TYW1: variants seen among roughly 807,000 people sequenced by gnomAD.
The protein encoded by TYW1 is S-adenosyl-L-methionine-dependent tRNA 4-demethylwyosine synthase TYW1.
A neutral mutation model predicts 96.2 loss-of-function variants in TYW1; 46 were observed. The observed-to-expected ratio is 0.48, with a 90% CI of 0.38 to 0.61. The LOEUF (loss-of-function observed/expected upper bound fraction) is 0.61, where lower values mean the gene tolerates loss of function less well. TYW1 is among the 20% of genes least tolerant of loss of function. The pLI is 0.00. For missense variants in TYW1, 684 were observed against 909.6 expected, an observed-to-expected ratio of 0.75 and a Z score of 3.19; for synonymous variants, 274 against 323.0, an observed-to-expected ratio of 0.85 and a Z score of 1.63.
intron 13 of TYW1, among the ~76,000 whole-genome samples, chr7:67,131,037 A>G (rs944015707): frequency 6.6e-6 from 1 of 150,868 alleles, no homozygotes. Context: ...TATTTGGTCA[A>G]TGAGCAAATT....
chr7:67,012,743 C>T (rs1485319920), intron 4 of TYW1, among the ~76,000 whole-genome samples: 1 of 152,066 alleles, frequency 6.6e-6, no homozygotes, highest in Non-Finnish European at 1.5e-5. Flanking sequence ...GGTCAAAACG[C>T]AGTCAAAAGT....
intron 7 of TYW1, among the ~76,000 whole-genome samples, chr7:67,039,074 C>G (rs1056184888): frequency 6.6e-6 from 1 of 152,150 alleles, no homozygotes; most frequent in African/African-American, 2.4e-5. Context: ...TCAGCTAAAG[C>G]TACTCAACTT....
chr7:67,075,844 A>G (rs1183785451), intron 10 of TYW1, among the ~76,000 whole-genome samples: 1 of 152,234 alleles, frequency 6.6e-6, no homozygotes, highest in African/African-American at 2.4e-5. Flanking sequence ...CTCCTCTTCA[A>G]AGAGACTTTC....
At chr7:67,219,359 G>A (rs908823125) in intron 15 of TYW1, among the ~76,000 whole-genome samples, 3 of 152,124 alleles carry the variant, frequency 2.0e-5, no homozygotes, top group East Asian at 3.9e-4. Flanking sequence ...CTTCCAGTAC[G>A]ATCTTTGTCT....
intron 15 of TYW1, among the ~76,000 whole-genome samples, chr7:67,202,289 C>G (rs932214487): frequency 2.0e-5 from 3 of 152,144 alleles, no homozygotes; most frequent in Admixed American, 1.3e-4. Context: ...TCCATTGGCC[C>G]TGTCTTTAAG....
chr7:67,119,042 G>A (rs1484141000), intron 13 of TYW1, among the ~76,000 whole-genome samples: 1 of 152,030 alleles, frequency 6.6e-6, no homozygotes, highest in African/African-American at 2.4e-5. Flanking sequence ...CCTTTCTTGT[G>A]TGTTTTCATA....
chr7:67,022,663 G>A (rs1562970233), intron 6 of TYW1, among the ~76,000 whole-genome samples: 2 of 152,164 alleles, frequency 1.3e-5, no homozygotes, highest in Non-Finnish European at 2.9e-5. Flanking sequence ...TGGTGTACTT[G>A]TCTCTTCTTG....
At chr7:67,156,837 A>G (rs2687052) in intron 13 of TYW1, among the ~76,000 whole-genome samples, 30,776 of 146,408 alleles carry the variant, frequency 0.21, 3,378 homozygotes, top group South Asian at 0.27. Context: ...TCTCTGGAAC[A>G]GTTAGTCATG....
chr7:67,040,671 C>T (rs1794987713), intron 7 of TYW1, among the ~76,000 whole-genome samples: 1 of 151,778 alleles, frequency 6.6e-6, no homozygotes, highest in South Asian at 2.1e-4. Context: ...ATGACGAAAC[C>T]CTATCTCTAC....
At chr7:67,214,860 G>A (rs1801155918) in intron 15 of TYW1, among the ~76,000 whole-genome samples, 1 of 151,000 alleles carries the variant, frequency 6.6e-6, no homozygotes, top group Admixed American at 6.6e-5. Context: ...GTCCCACTTG[G>A]TCATGGCATA....
At chr7:67,178,785 T>C (rs1799752243) in intron 13 of TYW1, among the ~76,000 whole-genome samples, 1 of 150,980 alleles carries the variant, frequency 6.6e-6, no homozygotes, top group Non-Finnish European at 1.5e-5. Flanking sequence ...AGGGAGTGGA[T>C]ATTCACTGGG....
chr7:67,215,285 C>G (rs1018042525), intron 15 of TYW1, among the ~76,000 whole-genome samples: 3 of 151,902 alleles, frequency 2.0e-5, no homozygotes, highest in African/African-American at 4.8e-5. Context: ...GCACCCACCC[C>G]CACTTGACGC....
At chr7:67,008,409 G>A (rs1793676081) in intron 3 of TYW1, among the ~76,000 whole-genome samples, 2 of 152,198 alleles carry the variant, frequency 1.3e-5, no homozygotes, top group South Asian at 4.1e-4. Flanking sequence ...GGTAGGAGGT[G>A]CTGAGTTTAA....
rs559867815 is a variant in TYW1 at position 67,091,633 on chromosome 7, C to A, written c.1385-6908C>A. On this transcript the variant is annotated intron_variant, in intron 11 of 15. Transcript: ENST00000359626. ...TTTCCTTGAGGACAGTGCAAGAAGA[C>A]ATGAAGTGGAGTCCTTGAGGCTTTG... Among the ~76,000 whole-genome samples the A allele has an allele frequency of 3.9e-4, 59 of 152,242 alleles. 2 individuals carry two copies. Among genetic ancestry groups the A allele is most frequent in the Non-Finnish European group, 1.5e-4 (10 of 68,014 alleles).
At position 67,137,018 on chromosome 7, in the gene TYW1, T is replaced by A. The variant is rs543307751; in HGVS notation, c.1698+19400T>A. On this transcript the variant is annotated intron_variant, in intron 13 of 15. Transcript: ENST00000359626. ...TTGTGTTTTTAGTAGAGACGGGGTTTCACCATGTTGGCCAGGCTGGTCTCA... is the reference window on the plus strand; with the variant it reads ...TTGTGTTTTTAGTAGAGACGGGGTTACACCATGTTGGCCAGGCTGGTCTCA... 6.5e-4 allele frequency among the ~76,000 whole-genome samples: 93 copies of A among 143,978 alleles called. 1 individual carries two copies. The highest frequency in any genetic ancestry group is 2.4e-3 in the African/African-American group (89 of 36,620). 94.5% of individuals were successfully genotyped at this position (143,978 alleles called of 152,430 possible).
chr7:67,173,125 C>T (rs1228125883), intron 13 of TYW1, among the ~76,000 whole-genome samples: 5 of 152,178 alleles, frequency 3.3e-5, no homozygotes, highest in African/African-American at 1.2e-4. Context: ...TAATGCATTT[C>T]CTGAAAATTC....
intron 8 of TYW1, among the ~76,000 whole-genome samples, chr7:67,054,569 GT>G (rs958795004): frequency 2.0e-5 from 3 of 152,214 alleles, no homozygotes; most frequent in African/African-American, 7.2e-5. Flanking sequence ...ACAAAGCCCT[GT>G]AAATGTTACC....
intron 15 of TYW1, among the ~76,000 whole-genome samples, chr7:67,237,537 A>T (rs958148778): frequency 6.6e-6 from 1 of 151,476 alleles, no homozygotes; most frequent in African/African-American, 2.4e-5. Context: ...CATGACAAGT[A>T]CTTGTCTGTT....
chr7:67,000,812 A>C (rs1793357354), intron 3 of TYW1, among the ~76,000 whole-genome samples: 2 of 152,154 alleles, frequency 1.3e-5, no homozygotes, highest in African/African-American at 4.8e-5. Context: ...TAGAGGAAAA[A>C]TCAAGGTCTG....
Sources: allele counts gnomAD v4.1 joint callset (sites outside exome capture counted in the v4.1 genomes callset), GRCh38; gene constraint gnomAD v4.1.1; transcripts MANE v1.5; gene names NCBI Gene and HGNC (gene_info 2026-07-23, HGNC 2026-07-21).